The following LZTR1 variants were observed in gnomAD, a reference collection of about 807,000 sequenced individuals.
The protein encoded by LZTR1 is leucine zipper like post translational regulator 1, also known as leucine-zipper-like transcriptional regulator 1.
Under a neutral mutation model 105.7 loss-of-function variants are expected in LZTR1, and 260 were observed. The ratio of observed to expected loss-of-function variants is 2.46; its 90% CI spans 2.22 to 2.72. The LOEUF is 2.72. Among genes scored for constraint, LZTR1 ranks in the 30% most tolerant of loss-of-function variants. LZTR1 has a pLI of 0.00. For synonymous variants in LZTR1, 490 were observed against 476.4 expected (o/e 1.03, Z -0.37); for missense variants, 1,214 against 1,166.9 (o/e 1.04, Z -0.59).
chr22:20,988,841 T>C lies in LZTR1; in HGVS notation c.562T>C (p.Trp188Arg). ...GGCCACGGTGTACAGTGACAAGCTG[T>C]GGATCTTTGCTGGCTATGACGGCAA... ...HGATVYSDKLWIFAGYDGNAR... is the reference protein window; with the variant it reads ...HGATVYSDKLRIFAGYDGNAR... Residue 188 changes from tryptophan to arginine, a missense_variant, in exon 6 of 21, where the codon TGG becomes CGG. Physicochemically the swap from Trp to Arg is moderately radical, Grantham distance 101. Transcript: ENST00000646124. The C allele has an allele frequency of 6.2e-7, 1 of 1,614,104 alleles. No individual in the cohort carries two copies.
In LZTR1 at chr22:20,997,573, C is replaced by T. The variant is rs1163901889; in HGVS notation, c.*225C>T. 9.9e-6 allele frequency: 5 copies of T among 503,800 alleles called. No homozygotes were observed. The highest frequency in any genetic ancestry group is 1.8e-5 in the Non-Finnish European group (5 of 276,116). The allele number at this position is 503,800 out of a possible 1,614,324, so 31.2% of individuals were successfully genotyped here. ...GGGAGCGGATGATGAAGCAGACCCC[C>T]TCCTGTCATCACCCTCTCCTGGTGT... On this transcript the variant is annotated 3_prime_UTR_variant, in exon 21 of 21. Coordinates refer to ENST00000646124, the MANE Select transcript of LZTR1 (RefSeq NM_006767.4).
rs755627924 is a variant in LZTR1 at position 20,997,147 on chromosome 22, A to T, written c.2407-85A>T. 2.2e-5 allele frequency: 25 copies of T among 1,140,688 alleles called. 1 individual carries two copies. The highest frequency in any genetic ancestry group is 2.4e-5 in the Non-Finnish European group (18 of 753,038). 70.7% of individuals were successfully genotyped at this position (1,140,688 alleles called of 1,614,324 possible). ...CTTGGGACCAGCCTGAGCCCTGAGC[A>T]GGGTAGGCCCCACAGGGCTCCACTG... On this transcript the variant is annotated intron_variant, in intron 20 of 20. Coordinates refer to ENST00000646124, the MANE Select transcript of LZTR1 (RefSeq NM_006767.4).
rs2147967253 is a variant in LZTR1, at chr22:20,994,134, A to G, written c.1480A>G (p.Arg494Gly). The G allele has an allele frequency of 2.5e-6, 4 of 1,589,112 alleles. No individual in the cohort carries two copies. Among genetic ancestry groups the G allele is most frequent in the Non-Finnish European group, 3.4e-6 (4 of 1,166,574 alleles). ...GGAGCAGGAGGCCGCCCCAGTTCCCAGGGAGGCCCCCGGCGTGGCTGCTGG... is the reference window on the plus strand; with the variant it reads ...GGAGCAGGAGGCCGCCCCAGTTCCCGGGGAGGCCCCCGGCGTGGCTGCTGG... ...KLEQEAAPVPREAPGVAAGGA... is the reference protein window; with the variant it reads ...KLEQEAAPVPGEAPGVAAGGA... The change falls in exon 14 of 21, where the codon AGG (arginine) becomes GGG (glycine). Residue 494 changes from arginine (R) to glycine (G), a missense_variant. Coordinates refer to ENST00000646124, the MANE Select transcript of LZTR1 (RefSeq NM_006767.4).
At chr22:20,984,595 C>A (rs1002109967) in intron 2 of LZTR1, among the ~76,000 whole-genome samples, 1 of 66,502 alleles carries the variant, frequency 1.5e-5, no homozygotes, top group African/African-American at 4.8e-5. Context: ...CCTCCTGCGG[C>A]ACGTGGGGCA....
rs781640156 is a variant in LZTR1, at chr22:20,992,891, TG to T, written c.1248del (p.Met416IlefsTer45). The T allele has an allele frequency of 6.2e-7, 1 of 1,602,614 alleles. No individual in the cohort carries two copies. Among genetic ancestry groups the T allele is most frequent in the East Asian group, 2.2e-5 (1 of 44,500 alleles). ...TVDNNIRSGE[M>X]YRFQFSCYPK... ...GACAACAACATCCGCAGCGGGGAGA[TG>T]TACAGGTTCCAGGTGTGGGGCCTGT... is the stretch of plus-strand genomic sequence containing the variant. On this transcript the variant is annotated frameshift_variant, in exon 11 of 21. Coordinates refer to ENST00000646124, the MANE Select transcript of LZTR1 (RefSeq NM_006767.4). LOFTEE classifies it high-confidence loss of function.
At position 20,994,952 on chromosome 22, in the gene LZTR1, CACT is replaced by C. The variant is rs1924775447; in HGVS notation, c.1869_1871del (p.Leu624del). 6.2e-7 allele frequency: 1 copy of C among 1,613,216 alleles called. No homozygotes were observed. Among genetic ancestry groups the C allele is most frequent in the African/African-American group, 1.3e-5 (1 of 74,924 alleles). On this transcript the variant is annotated inframe_deletion, in exon 16 of 21. Coordinates refer to ENST00000646124, the MANE Select transcript of LZTR1 (RefSeq NM_006767.4). ...AAGGAGTTCGAGCGCCTCTCCTCTCCACTGATAGTGGAGATTGTGCGGCGGAAG... is the reference window on the plus strand; with the variant it reads ...AAGGAGTTCGAGCGCCTCTCCTCTCCGATAGTGGAGATTGTGCGGCGGAAG...
chr22:20,986,073 G>A, intron 3 of LZTR1, 176 bp downstream of exon 3: 1 of 659,728 alleles, frequency 1.5e-6, no homozygotes, highest in Non-Finnish European at 2.6e-6. Flanking sequence ...TCAGGCTGAG[G>A]AGATCAAGTA....
Position 20,996,743 on chromosome 22 carries a change from T to C in LZTR1, c.2267T>C (p.Leu756Pro), listed in dbSNP as rs1360345883. 1.2e-6 allele frequency: 2 copies of C among 1,613,406 alleles called. No homozygotes were observed. The highest frequency in any genetic ancestry group is 1.7e-6 in the Non-Finnish European group (2 of 1,180,000). The change falls in exon 19 of 21, where the codon CTG (leucine) becomes CCG (proline). Residue 756 changes from leucine to proline, a missense_variant. Transcript: ENST00000646124. ...TACTACGGCTTCTACAACAACCGGC[T>C]GCAGGCGTACTGCAAGCAGAACCTG... The part of the protein sequence containing the change: ...PYYYGFYNNR[L>P]QAYCKQNLEM...
chr22:20,988,697 T>G, intron 5 of LZTR1, 92 bp from the exon 6 acceptor site: 1 of 866,724 alleles, frequency 1.2e-6, no homozygotes, highest in Non-Finnish European at 2.0e-6. Flanking sequence ...CCATGCAGCC[T>G]GGCTGTGGCC....
chr22:20,989,443 G>C (rs553711954), intron 6 of LZTR1, among the ~76,000 whole-genome samples, 182 bp from the exon 7 acceptor site: 26 of 152,284 alleles, frequency 1.7e-4, no homozygotes, highest in Non-Finnish European at 1.5e-5. Flanking sequence ...CAGGGGGCCT[G>C]GCACAGCAGG....
Position 20,996,788 on chromosome 22 carries a change from A to C in LZTR1, c.2312A>C (p.Gln771Pro). The change falls in exon 19 of 21, where the codon CAG becomes CCG. Residue 771 changes from glutamine to proline, a missense_variant. Coordinates refer to ENST00000646124, the MANE Select transcript of LZTR1 (RefSeq NM_006767.4). ...KQNLEMNVTV[Q>P]NVLQILEAAD... is the part of the protein sequence containing the mutation. ...AACCTGGAGATGAACGTGACGGTGC[A>C]GAACGTGCTGCAGGTAGCCCCCCAG... 1 of 1,613,674 alleles carries C rather than the reference A, an allele frequency of 6.2e-7. No homozygotes were observed. The highest frequency in any genetic ancestry group is 8.5e-7 in the Non-Finnish European group (1 of 1,179,998).
chr22:20,989,504 G>A (rs954720495), intron 6 of LZTR1, 121 bp from the exon 7 acceptor site: 14 of 832,478 alleles, frequency 1.7e-5, no homozygotes, highest in African/African-American at 1.0e-4. Flanking sequence ...CCTCATGGCC[G>A]CACAAGTCTC....
chr22:20,987,834 C>G (rs1340807585), intron 4 of LZTR1, among the ~76,000 whole-genome samples, 176 bp from the exon 5 acceptor site: 1 of 152,244 alleles, frequency 6.6e-6, no homozygotes, highest in Non-Finnish European at 1.5e-5. Context: ...TCCTGCTCAT[C>G]TCTGTGTCCC....
chr22:20,988,825 G>A lies in LZTR1; in HGVS notation c.546G>A (p.Val182=), dbSNP rs941956763. The change falls in exon 6 of 21, where the codon GTG becomes GTA. Residue 182 remains valine, a synonymous_variant. Transcript: ENST00000646124. The stretch of plus-strand genomic sequence containing the variant: ...CTAGGTCAGCCCATGGGGCCACGGT[G>A]TACAGTGACAAGCTGTGGATCTTTG... ...PVARSAHGAT[V]YSDKLWIFAG... The A allele has an allele frequency of 3.1e-6, 5 of 1,614,158 alleles. No individual in the cohort carries two copies. Among genetic ancestry groups the A allele is most frequent in the African/African-American group, 1.3e-5 (1 of 75,066 alleles).
Position 20,989,642 on chromosome 22 carries a change from C to T in LZTR1, c.611C>T (p.Thr204Ile). The change falls in exon 7 of 21, where the codon ACA (threonine) becomes ATA (isoleucine). Residue 204 changes from threonine to isoleucine, a missense_variant. Transcript: ENST00000646124. ...DGNARLNDMWTIGLQDRELTC... is the reference protein window; with the variant it reads ...DGNARLNDMWIIGLQDRELTC... ...TAATACAGGTTGAATGACATGTGGA[C>T]AATTGGCCTCCAGGACCGAGAGCTC... The T allele has an allele frequency of 6.2e-7, 1 of 1,613,582 alleles. No individual in the cohort carries two copies. The highest frequency in any genetic ancestry group is 1.1e-5 in the South Asian group (1 of 91,078).
At chr22:20,994,847 C>T in intron 15 of LZTR1, 23 bp from the exon 16 acceptor site, 4 of 1,612,214 alleles carry the variant, frequency 2.5e-6, no homozygotes, top group Non-Finnish European at 3.4e-6. Context: ...CTCTGCCTGC[C>T]TGCCTGTGCC....
At position 20,994,695 on chromosome 22, in the gene LZTR1, A is replaced by T. The variant is rs1395426341; in HGVS notation, c.1753A>T (p.Ser585Cys). ...GCAGAACGTGCTGGTTGTGTGCGAG[A>T]GTGCCGCCCGGCTGCAGCTGAGCCA... The part of the protein sequence containing the change: ...DLQNVLVVCE[S>C]AARLQLSQLK... The change falls in exon 15 of 21, where the codon AGT becomes TGT. Residue 585 changes from serine to cysteine, a missense_variant. By Grantham distance (112) the Ser-to-Cys change is moderately radical. Coordinates refer to ENST00000646124, the MANE Select transcript of LZTR1 (RefSeq NM_006767.4). 1 of 1,612,424 alleles carries T rather than the reference A, an allele frequency of 6.2e-7. No homozygotes were observed. Among genetic ancestry groups the T allele is most frequent in the Non-Finnish European group, 8.5e-7 (1 of 1,179,968 alleles).
In LZTR1 at chr22:20,997,340, G is replaced by A. The variant is rs1924905494; in HGVS notation, c.2515G>A (p.Asp839Asn). Residue 839 changes from aspartate (D) to asparagine (N), a missense_variant, in exon 21 of 21, where the codon GAC becomes AAC. Coordinates refer to ENST00000646124, the MANE Select transcript of LZTR1 (RefSeq NM_006767.4). ...CAAGCAGTGCGCAGAGCTGGGCGCC[G>A]ACATCTGAGGCCCTGTGGCGCCTGC... ...SDKQCAELGADI is the reference protein window; with the variant it reads ...SDKQCAELGANI The A allele has an allele frequency of 1.9e-6, 3 of 1,610,526 alleles. No homozygotes were observed. Among genetic ancestry groups the A allele is most frequent in the Middle Eastern group, 1.7e-4 (1 of 6,052 alleles).
At chr22:20,989,566 G>A (rs1397478005) in intron 6 of LZTR1, 59 bp from the exon 7 acceptor site, 6 of 1,397,634 alleles carry the variant, frequency 4.3e-6, no homozygotes, top group Non-Finnish European at 3.1e-6. Context: ...TTCCAGCCAG[G>A]ACTAGGCCCA....
Sources: allele counts gnomAD v4.1 joint callset (sites outside exome capture counted in the v4.1 genomes callset), GRCh38; gene constraint gnomAD v4.1.1; transcripts MANE v1.5; gene names NCBI Gene and HGNC (gene_info 2026-07-23, HGNC 2026-07-21).